OSBPL10: variants seen among roughly 807,000 people sequenced by gnomAD.
OSBPL10 encodes the protein oxysterol binding protein like 10, also known as oxysterol-binding protein-related protein 10.
OSBPL10 carries 49 observed loss-of-function variants against 81.7 expected under a neutral mutation model. The ratio of observed to expected loss-of-function variants is 0.60; its 90% CI spans 0.48 to 0.76. The LOEUF (loss-of-function observed/expected upper bound fraction) is 0.76. Ranked by LOEUF, OSBPL10 falls within the 30% of genes least tolerant of loss-of-function variation. The pLI, the probability that OSBPL10 is intolerant of heterozygous loss-of-function variation, is 0.00. For missense variants in OSBPL10, 923 were observed against 987.8 expected (o/e 0.93, Z 0.88); for synonymous variants, 419 against 383.6 (o/e 1.09, Z -1.08).
chr3:31,703,443 A>C (rs139286574), intron 6 of OSBPL10, among the ~76,000 whole-genome samples: 1 of 152,362 alleles, frequency 6.6e-6, no homozygotes, highest in East Asian at 1.9e-4. Flanking sequence ...ACAGAAATTC[A>C]GAAGCTCAAA....
At position 31,678,087 on chromosome 3, in the gene OSBPL10, C is replaced by CAAAAAAAAAAAA. The variant is rs1174037204; in HGVS notation, c.1726+5535_1726+5546dup. On this transcript the variant is annotated intron_variant, in intron 8 of 11. Transcript: ENST00000396556. ...TGGGCGACAGAGCGAGACTCCGTCTCAAAAAAAAAAAAAAAAAAAAAGACA... is the reference window on the plus strand; with the variant it reads ...TGGGCGACAGAGCGAGACTCCGTCTCAAAAAAAAAAAAAAAAAAAAAAAAAAAAAAAAAGACA... Among the ~76,000 whole-genome samples the CAAAAAAAAAAAA allele has an allele frequency of 2.3e-3, 173 of 76,632 alleles. 4 individuals are homozygous for CAAAAAAAAAAAA. The highest frequency in any genetic ancestry group is 8.6e-3 in the African/African-American group (157 of 18,260). The allele number at this position is 76,632 out of a possible 152,430, so 50.3% of individuals were successfully genotyped here. A position where few individuals can be genotyped will look rare whatever the true frequency, so the allele number is the denominator to read the frequency against.
intron 8 of OSBPL10, among the ~76,000 whole-genome samples, chr3:31,682,553 C>T (rs1362840034): frequency 6.6e-6 from 1 of 152,222 alleles, no homozygotes. Context: ...TCTTTGCCCG[C>T]TTTGGGTCTT....
chr3:31,955,745 G>C (rs1194129759), intron 1 of OSBPL10, among the ~76,000 whole-genome samples: 1 of 152,158 alleles, frequency 6.6e-6, no homozygotes, highest in Non-Finnish European at 1.5e-5. Context: ...TTCCAGCCCA[G>C]CTTCTAGTCT....
chr3:31,955,730 C>T (rs1369621754), intron 1 of OSBPL10, among the ~76,000 whole-genome samples: 1 of 152,220 alleles, frequency 6.6e-6, no homozygotes, highest in Non-Finnish European at 1.5e-5. Context: ...TGCCATCTAG[C>T]AGCTTTCCAG....
At chr3:31,715,045 G>T (rs146869328) in intron 6 of OSBPL10, 2 of 149,710 alleles carry the variant, frequency 1.3e-5, no homozygotes, top group South Asian at 2.1e-4. Context: ...TACTCAGTCA[G>T]TACTTCGGTT....
In OSBPL10 at chr3:32,047,676, T is replaced by G. The variant is rs148583979; in HGVS notation, n.186-1073A>C. 7.5e-3 allele frequency among the ~76,000 whole-genome samples: 1,143 copies of G among 152,082 alleles called. 13 individuals are homozygous for G. The highest frequency in any genetic ancestry group is 0.026 in the African/African-American group (1,067 of 41,482). Reference sequence around the variant, plus strand: ...ACCTGTTTTTTGTTTTTTGTTTTTTTTTTTGAGACGGAGTCTTGCTCTGTC... The same window carrying G: ...ACCTGTTTTTTGTTTTTTGTTTTTTGTTTTGAGACGGAGTCTTGCTCTGTC... On this transcript the variant is annotated intron_variant and non_coding_transcript_variant, in intron 1 of 3. Coordinates refer to the OSBPL10 transcript ENST00000479173.
chr3:31,797,817 T>G (rs1242816905), intron 4 of OSBPL10: 1 of 456,408 alleles, frequency 2.2e-6, no homozygotes, highest in East Asian at 7.0e-5. Context: ...ACCTCACACA[T>G]GTTGTTGAGC....
chr3:31,995,909 T>C (rs150422135), intron 2 of OSBPL10, among the ~76,000 whole-genome samples: 3 of 152,234 alleles, frequency 2.0e-5, no homozygotes, highest in African/African-American at 7.2e-5. Context: ...TAACCATCCA[T>C]GACATCTCCC....
chr3:32,015,253 G>C (rs572952270), intron 2 of OSBPL10, among the ~76,000 whole-genome samples: 3 of 152,182 alleles, frequency 2.0e-5, no homozygotes, highest in African/African-American at 7.2e-5. Flanking sequence ...CAGAGATATA[G>C]ACCAATGGAA....
chr3:31,870,174 A>C (rs901641054), intron 3 of OSBPL10, among the ~76,000 whole-genome samples: 11 of 152,210 alleles, frequency 7.2e-5, no homozygotes, highest in Non-Finnish European at 1.5e-4. Flanking sequence ...GGCCAGCTGG[A>C]GTTCCAGGTG....
At chr3:32,077,272 A>C (rs925487787) in intron 1 of OSBPL10, 1 of 152,136 alleles carries the variant, frequency 6.6e-6, no homozygotes, top group Non-Finnish European at 1.5e-5. Context: ...TGGATGTTTC[A>C]CTGTCATCTA....
At chr3:31,946,363 ATT>A (rs1477373074) in intron 1 of OSBPL10, among the ~76,000 whole-genome samples, 2 of 151,654 alleles carry the variant, frequency 1.3e-5, no homozygotes, top group African/African-American at 2.4e-5. Context: ...TCAATTAAGA[ATT>A]TAAGAAAAAT....
At position 31,683,658 on chromosome 3, in the gene OSBPL10, C is replaced by T. The variant is rs754148222; in HGVS notation, c.1702G>A (p.Val568Met). 9.3e-6 allele frequency: 15 copies of T among 1,613,066 alleles called. No homozygotes were observed. The highest frequency in any genetic ancestry group is 1.7e-4 in the Middle Eastern group (1 of 6,054). ...WTKSKFMGMS[V>M]GVSMIGEGVL... ...CCTTCCCCTATCATAGAGACCCCCA[C>T]GGACATGCCCATGAACTTGCTTTTG... The change falls in exon 8 of 12, where the codon GTG (valine) becomes ATG (methionine). Residue 568 changes from valine to methionine, a missense_variant. Coordinates refer to ENST00000396556, the MANE Select transcript of OSBPL10 (RefSeq NM_017784.5).
chr3:32,031,504 C>A (rs1040877875), intron 2 of OSBPL10, among the ~76,000 whole-genome samples: 1 of 151,906 alleles, frequency 6.6e-6, no homozygotes, highest in African/African-American at 2.4e-5. Flanking sequence ...CTCTGTCACC[C>A]CAGCTGGAGT....
In OSBPL10 at chr3:31,733,197, T is replaced by C. The variant is rs570087986; in HGVS notation, c.1095+60A>G. ...ATGAGCAAGTTACAAATATAATTACTATATTTCTGAACAAGCGATAACACA... is the reference window on the plus strand; with the variant it reads ...ATGAGCAAGTTACAAATATAATTACCATATTTCTGAACAAGCGATAACACA... On this transcript the variant is annotated intron_variant, in intron 6 of 11. Coordinates refer to ENST00000396556, the MANE Select transcript of OSBPL10 (RefSeq NM_017784.5). The C allele has an allele frequency of 3.0e-5, 47 of 1,572,066 alleles. 1 individual carries two copies. In the South Asian group the frequency reaches 5.4e-4, roughly 18 times the overall value.
chr3:31,785,079 T>G (rs1698828229), intron 4 of OSBPL10, among the ~76,000 whole-genome samples: 1 of 151,908 alleles, frequency 6.6e-6, no homozygotes, highest in Non-Finnish European at 1.5e-5. Context: ...GAGATGGGGT[T>G]TCCCTCTATT....
At chr3:31,966,604 C>T (rs1246244862) in intron 1 of OSBPL10, among the ~76,000 whole-genome samples, 1 of 151,840 alleles carries the variant, frequency 6.6e-6, no homozygotes, top group Non-Finnish European at 1.5e-5. Context: ...GAAAAAGGGG[C>T]CTCATGAACA....
intron 1 of OSBPL10, among the ~76,000 whole-genome samples, chr3:31,970,090 T>C (rs1024119192): frequency 2.6e-5 from 4 of 152,134 alleles, no homozygotes; most frequent in African/African-American, 9.7e-5. Context: ...AGTCCGAAAA[T>C]TCCGTGCTCC....
intron 1 of OSBPL10, among the ~76,000 whole-genome samples, chr3:31,908,657 G>T (rs1263770004): frequency 6.6e-6 from 1 of 152,176 alleles, no homozygotes; most frequent in Non-Finnish European, 1.5e-5. Flanking sequence ...ATTGACTTTG[G>T]TTTCCTATTA....
Sources: allele counts gnomAD v4.1 joint callset (sites outside exome capture counted in the v4.1 genomes callset), GRCh38; gene constraint gnomAD v4.1.1; transcripts MANE v1.5; gene names NCBI Gene and HGNC (gene_info 2026-07-23, HGNC 2026-07-21).